Variants in RAB3B observed in about 807,000 individuals in gnomAD.
The protein encoded by RAB3B is ras-related protein Rab-3B.
Under a neutral mutation model 20.5 loss-of-function variants are expected in RAB3B, and 11 were observed. That is an observed-to-expected ratio of 0.54 (90% CI 0.34 to 0.89). The LOEUF (loss-of-function observed/expected upper bound fraction) is 0.89, where lower values mean the gene tolerates loss of function less well. Ranked by LOEUF, RAB3B falls within the 40% of genes least tolerant of loss-of-function variation. The pLI is 0.02. For synonymous variants in RAB3B, 99 were observed against 106.3 expected (o/e 0.93, Z 0.42); for missense variants, 225 against 280.9 (o/e 0.80, Z 1.42).
chr1:51,928,454 C>T (rs943567052), intron 4 of RAB3B, among the ~76,000 whole-genome samples: 4 of 152,212 alleles, frequency 2.6e-5, no homozygotes, highest in African/African-American at 9.7e-5. Context: ...ATAGTCTTGA[C>T]TGAGAGAGCT....
intron 2 of RAB3B, among the ~76,000 whole-genome samples, chr1:51,951,311 T>C (rs1222087502): frequency 1.3e-5 from 2 of 152,154 alleles, no homozygotes; most frequent in Non-Finnish European, 2.9e-5. Context: ...AATGCAGACA[T>C]TTTAGAACCA....
At chr1:51,937,538 C>G (rs1179893017) in intron 2 of RAB3B, 126 bp from the exon 3 acceptor site, 2 of 561,966 alleles carry the variant, frequency 3.6e-6, no homozygotes, top group Non-Finnish European at 6.0e-6. Context: ...GCTCTTGTTG[C>G]CCAGGCTGGA....
chr1:51,949,846 G>A (rs1465826539), intron 2 of RAB3B, among the ~76,000 whole-genome samples: 1 of 152,192 alleles, frequency 6.6e-6, no homozygotes, highest in Non-Finnish European at 1.5e-5. Flanking sequence ...AGGGCAGGGG[G>A]CCACAGTGCC....
In RAB3B at chr1:51,927,799, C is replaced by T. The variant is rs117191998; in HGVS notation, c.472+5519G>A. 6.2e-3 allele frequency among the ~76,000 whole-genome samples: 945 copies of T among 152,162 alleles called. 27 individuals carry two copies. The South Asian group carries it at 0.094, about 15-fold the overall frequency. On this transcript the variant is annotated intron_variant, in intron 4 of 4. Coordinates refer to ENST00000371655, the MANE Select transcript of RAB3B (RefSeq NM_002867.4). ...GCCTGGATGACAGAGCAAGATCTTGCCTCAAAACAAAATAAAACAAAAAAC... is the reference window on the plus strand; with the variant it reads ...GCCTGGATGACAGAGCAAGATCTTGTCTCAAAACAAAATAAAACAAAAAAC...
At chr1:51,975,906 C>T (rs1685002731) in intron 2 of RAB3B, among the ~76,000 whole-genome samples, 1 of 151,780 alleles carries the variant, frequency 6.6e-6, no homozygotes, top group Non-Finnish European at 1.5e-5. Context: ...GCAGGAGAAT[C>T]GCTTGAACCC....
chr1:51,908,772 T>C lies in RAB3B; in HGVS notation c.*11155A>G, dbSNP rs1012468732. Reference sequence around the variant, plus strand: ...CCCTCCCCTGTTCTGAGACTAACCCTGCCATTTACTGCCTTCTCTATGTAG... The same window carrying C: ...CCCTCCCCTGTTCTGAGACTAACCCCGCCATTTACTGCCTTCTCTATGTAG... On this transcript the variant is annotated 3_prime_UTR_variant, in exon 5 of 5. Transcript: ENST00000371655. 6.6e-5 allele frequency: 10 copies of C among 152,146 alleles called. No individual in the cohort carries two copies. The highest frequency in any genetic ancestry group is 2.4e-4 in the African/African-American group (10 of 41,412). 9.4% of individuals were successfully genotyped at this position (152,146 alleles called of 1,614,324 possible).
chr1:51,963,916 T>G (rs1684814555), intron 2 of RAB3B, among the ~76,000 whole-genome samples: 1 of 152,222 alleles, frequency 6.6e-6, no homozygotes, highest in South Asian at 2.1e-4. Flanking sequence ...GCTTTGTATT[T>G]TTGTTTCTTT....
intron 1 of RAB3B, among the ~76,000 whole-genome samples, chr1:51,979,268 C>CT (rs112504777): frequency 0.099 from 13,513 of 136,574 alleles, 889 homozygotes; most frequent in African/African-American, 0.19. Flanking sequence ...AGGCATTATG[C>CT]TTTTTTTTTT....
chr1:51,945,341 G>C (rs1185425406), intron 2 of RAB3B, among the ~76,000 whole-genome samples: 2 of 152,112 alleles, frequency 1.3e-5, no homozygotes, highest in Non-Finnish European at 2.9e-5. Context: ...CTGGCCTAAA[G>C]TATTTTTTAA....
intron 4 of RAB3B, among the ~76,000 whole-genome samples, chr1:51,923,637 C>G (rs910979909): frequency 6.6e-6 from 1 of 151,602 alleles, no homozygotes; most frequent in Non-Finnish European, 1.5e-5. Flanking sequence ...ATTGCTTGAA[C>G]CTGGGAGGCA....
intron 4 of RAB3B, among the ~76,000 whole-genome samples, chr1:51,924,299 A>G (rs1458782058): frequency 6.6e-6 from 1 of 152,136 alleles, no homozygotes; most frequent in Non-Finnish European, 1.5e-5. Flanking sequence ...ACAGGGCAAT[A>G]AGTGTTGGAA....
chr1:51,962,703 T>C (rs1197270058), intron 2 of RAB3B, among the ~76,000 whole-genome samples: 1 of 152,210 alleles, frequency 6.6e-6, no homozygotes, highest in East Asian at 1.9e-4. Context: ...TCTTCTGAAA[T>C]TCAGTCAGTC....
In RAB3B at chr1:51,919,927, C is replaced by T. The variant is rs1171390310; in HGVS notation, c.660G>A (p.Ter220=). The T allele has an allele frequency of 6.2e-7, 1 of 1,610,844 alleles. No homozygotes were observed. The highest frequency in any genetic ancestry group is 1.1e-5 in the South Asian group (1 of 90,772). ...GGGAGGTCAGGAAGGTGGGCCTTGC[C>T]TAGCATGAGCAGTTCTGCTGCAGCA... The part of the protein sequence containing the change: ...PPLLQQNCSC[*] Residue 220 remains the stop codon, a stop_retained_variant, in exon 5 of 5, where the codon TAG becomes TAA. Coordinates refer to ENST00000371655, the MANE Select transcript of RAB3B (RefSeq NM_002867.4).
chr1:51,979,772 G>A (rs368312657), intron 1 of RAB3B, among the ~76,000 whole-genome samples: 8 of 151,974 alleles, frequency 5.3e-5, no homozygotes, highest in African/African-American at 1.2e-4. Flanking sequence ...GGCTGGGCAC[G>A]GTGGCTCACG....
At position 51,912,977 on chromosome 1, in the gene RAB3B, A is replaced by G. The variant is rs1684027604; in HGVS notation, c.*6950T>C. On this transcript the variant is annotated 3_prime_UTR_variant, in exon 5 of 5. Coordinates refer to ENST00000371655, the MANE Select transcript of RAB3B (RefSeq NM_002867.4). ...TACACGTTATTATCAAAGACTTGGC[A>G]TCTAAAGCCTCGGGACTAGACGAGT... The G allele has an allele frequency of 6.6e-6, 1 of 152,170 alleles. No homozygotes were observed. The allele number at this position is 152,170 out of a possible 1,614,324, so 9.4% of individuals were successfully genotyped here. A position where few individuals can be genotyped will look rare whatever the true frequency, so the allele number is the denominator to read the frequency against.
At chr1:51,943,400 C>G (rs12030726) in intron 2 of RAB3B, among the ~76,000 whole-genome samples, 1 of 87,852 alleles carries the variant, frequency 1.1e-5, no homozygotes, top group East Asian at 2.2e-3. Context: ...ATAATAACAA[C>G]AACAACAACA....
chr1:51,914,858 C>G lies in RAB3B; in HGVS notation c.*5069G>C, dbSNP rs182839023. On this transcript the variant is annotated 3_prime_UTR_variant, in exon 5 of 5. Coordinates refer to ENST00000371655, the MANE Select transcript of RAB3B (RefSeq NM_002867.4). ...ATTCCTCAGGATACTCCAGAAAACT[C>G]GATATCCAAGCAAGGAGCTTAGTGG... 1 of 152,288 alleles carries G rather than the reference C, an allele frequency of 6.6e-6. No individual in the cohort carries two copies. Among genetic ancestry groups the G allele is most frequent in the East Asian group, 1.9e-4 (1 of 5,194 alleles). 9.4% of individuals were successfully genotyped at this position (152,288 alleles called of 1,614,324 possible).
At chr1:51,925,786 G>A (rs1160910235) in intron 4 of RAB3B, among the ~76,000 whole-genome samples, 3 of 152,142 alleles carry the variant, frequency 2.0e-5, no homozygotes, top group Non-Finnish European at 2.9e-5. Flanking sequence ...ATTCCAACCA[G>A]AAAAATGGGA....
At position 51,914,388 on chromosome 1, in the gene RAB3B, T is replaced by C. The variant is rs1414210729; in HGVS notation, c.*5539A>G. The C allele has an allele frequency of 6.6e-6, 1 of 152,230 alleles. No homozygotes were observed. The highest frequency in any genetic ancestry group is 1.5e-5 in the Non-Finnish European group (1 of 68,048). 9.4% of individuals were successfully genotyped at this position (152,230 alleles called of 1,614,324 possible). A position where few individuals can be genotyped will look rare whatever the true frequency, so the allele number is the denominator to read the frequency against. The stretch of plus-strand genomic sequence containing the variant: ...TCAAAGGTGATTCCGGTTTCCCAGT[T>C]GAGTGTTCTCACAGCATCACGTGCC... On this transcript the variant is annotated 3_prime_UTR_variant, in exon 5 of 5. Coordinates refer to ENST00000371655, the MANE Select transcript of RAB3B (RefSeq NM_002867.4).
Sources: allele counts gnomAD v4.1 joint callset (sites outside exome capture counted in the v4.1 genomes callset), GRCh38; gene constraint gnomAD v4.1.1; transcripts MANE v1.5; gene names NCBI Gene and HGNC (gene_info 2026-07-23, HGNC 2026-07-21).